The following TYR variants were observed in gnomAD, a reference collection of about 807,000 sequenced individuals.
TYR encodes the protein LB24-AB.
TYR carries 58 observed loss-of-function variants against 51.5 expected under a neutral mutation model. The ratio of observed to expected loss-of-function variants is 1.13; its 90% CI spans 0.91 to 1.40. TYR has a LOEUF of 1.40. Ranked by LOEUF, TYR falls within the 40% of genes most tolerant of loss-of-function variation. The pLI, the probability that TYR is intolerant of heterozygous loss-of-function variation, is 0.00. For synonymous variants in TYR, 263 were observed against 235.2 expected, an observed-to-expected ratio of 1.12 and a Z score of -1.08; for missense variants, 732 against 647.4, an observed-to-expected ratio of 1.13 and a Z score of -1.42.
intron 2 of TYR, among the ~76,000 whole-genome samples, chr11:89,198,771 T>TATATA (rs1565394780): frequency 2.4e-5 from 3 of 123,344 alleles, no homozygotes; most frequent in African/African-American, 4.5e-5. Flanking sequence ...ATATATATAT[T>TATATA]TTTATACTTT....
chr11:89,181,211 T>C (rs1256888848), intron 1 of TYR, among the ~76,000 whole-genome samples: 1 of 152,178 alleles, frequency 6.6e-6, no homozygotes, highest in African/African-American at 2.4e-5. Flanking sequence ...AGATGGGGTT[T>C]CACCCTGTTG....
At chr11:89,228,163 G>C (rs186362671) in intron 3 of TYR, among the ~76,000 whole-genome samples, 193 bp downstream of exon 3, 1 of 152,184 alleles carries the variant, frequency 6.6e-6, no homozygotes, top group Admixed American at 6.5e-5. Context: ...TGTTTATAAA[G>C]ATAAATTAAA....
chr11:89,236,285 A>G (rs1944112884), intron 3 of TYR, among the ~76,000 whole-genome samples: 4 of 151,908 alleles, frequency 2.6e-5, no homozygotes, highest in Non-Finnish European at 5.9e-5. Context: ...TTTTTTCTGT[A>G]GCCCACCTAT....
intron 3 of TYR, among the ~76,000 whole-genome samples, chr11:89,279,300 C>T (rs1944692950): frequency 6.6e-6 from 1 of 151,704 alleles, no homozygotes; most frequent in Non-Finnish European, 1.5e-5. Flanking sequence ...TTCTTTGTAG[C>T]AGCTGGCCAT....
At chr11:89,216,827 G>A (rs566505032) in intron 2 of TYR, among the ~76,000 whole-genome samples, 4 of 151,804 alleles carry the variant, frequency 2.6e-5, no homozygotes, top group Admixed American at 2.6e-4. Context: ...CACCCTAATC[G>A]AAAGGGTGAA....
At chr11:89,258,247 A>T (rs946545266) in intron 3 of TYR, among the ~76,000 whole-genome samples, 3 of 152,046 alleles carry the variant, frequency 2.0e-5, no homozygotes, top group Non-Finnish European at 2.9e-5. Flanking sequence ...AGGAATTATG[A>T]CACCTGATAC....
chr11:89,234,822 T>C (rs2155149), intron 3 of TYR, among the ~76,000 whole-genome samples: 73,074 of 151,638 alleles, frequency 0.48, 19,556 homozygotes, highest in African/African-American at 0.74. Flanking sequence ...CAGCATAACA[T>C]ATACAATAAT....
chr11:89,186,956 A>G (rs926367255), intron 1 of TYR, among the ~76,000 whole-genome samples: 1 of 152,172 alleles, frequency 6.6e-6, no homozygotes, highest in African/African-American at 2.4e-5. Context: ...AAGACATAAG[A>G]GAGGCCTCAG....
chr11:89,241,074 G>A lies in TYR; in HGVS notation c.1184+13104G>A, dbSNP rs553646056. Among the ~76,000 whole-genome samples the A allele has an allele frequency of 2.0e-5, 3 of 152,306 alleles. No individual in the cohort carries two copies. In the South Asian group the frequency reaches 6.2e-4, roughly 32 times the overall value. On this transcript the variant is annotated intron_variant, in intron 3 of 4. Coordinates refer to ENST00000263321, the MANE Select transcript of TYR (RefSeq NM_000372.5). ...CAGATTTGGGAAAAACTAAAGACAA[G>A]GGTATCTGGGTCATTAAATCAGCCT...
At chr11:89,208,523 A>G (rs1784691790) in intron 2 of TYR, among the ~76,000 whole-genome samples, 1 of 152,190 alleles carries the variant, frequency 6.6e-6, no homozygotes, top group Non-Finnish European at 1.5e-5. Context: ...CTTCCAATAT[A>G]TATTTTATTC....
chr11:89,231,324 A>ACAATTACCAT (rs1474486827), intron 3 of TYR, among the ~76,000 whole-genome samples: 23 of 145,872 alleles, frequency 1.6e-4, no homozygotes, highest in African/African-American at 3.5e-4. Flanking sequence ...ATGTATCGAA[A>ACAATTACCAT]GGGAAATATA....
chr11:89,265,344 A>G (rs113847388), intron 3 of TYR, among the ~76,000 whole-genome samples: 848 of 152,150 alleles, frequency 5.6e-3, no homozygotes, highest in Non-Finnish European at 9.9e-3. Flanking sequence ...GAGCTTGCTG[A>G]TAAGAGTTGT....
At chr11:89,283,527 A>C (rs953551576) in intron 3 of TYR, among the ~76,000 whole-genome samples, 1 of 151,772 alleles carries the variant, frequency 6.6e-6, no homozygotes, top group African/African-American at 2.4e-5. Context: ...CACAAAAACT[A>C]TCATATTGGA....
At chr11:89,282,834 T>A (rs999713907) in intron 3 of TYR, among the ~76,000 whole-genome samples, 7 of 151,794 alleles carry the variant, frequency 4.6e-5, no homozygotes, top group Non-Finnish European at 7.4e-5. Context: ...CAGCATATGT[T>A]ATGTCTCATC....
At chr11:89,216,958 T>A (rs78985627) in intron 2 of TYR, among the ~76,000 whole-genome samples, 3,832 of 152,260 alleles carry the variant, frequency 0.025, 172 homozygotes, top group African/African-American at 0.088. Flanking sequence ...CTCCAGCTAG[T>A]GGCCATGTGT....
chr11:89,284,144 T>C (rs770721048), intron 3 of TYR, among the ~76,000 whole-genome samples: 9 of 151,846 alleles, frequency 5.9e-5, no homozygotes, highest in Non-Finnish European at 1.2e-4. Context: ...TTTGTGTCAC[T>C]ATCTCCTGTT....
chr11:89,207,354 A>C (rs1326914264), intron 2 of TYR, among the ~76,000 whole-genome samples: 1 of 152,184 alleles, frequency 6.6e-6, no homozygotes, highest in Non-Finnish European at 1.5e-5. Context: ...TATGTACATA[A>C]CATTTGACAA....
chr11:89,245,920 CAAAA>C (rs58642362), intron 3 of TYR, among the ~76,000 whole-genome samples: 2 of 143,178 alleles, frequency 1.4e-5, no homozygotes, highest in African/African-American at 5.1e-5. Context: ...GACTCCATCT[CAAAA>C]AAAAAAAACA....
At chr11:89,222,727 A>G (rs1006075448) in intron 2 of TYR, among the ~76,000 whole-genome samples, 6 of 151,800 alleles carry the variant, frequency 4.0e-5, no homozygotes, top group African/African-American at 1.5e-4. Context: ...CAACAGAGTG[A>G]GACTCCATCT....
Sources: allele counts gnomAD v4.1 joint callset (sites outside exome capture counted in the v4.1 genomes callset), GRCh38; gene constraint gnomAD v4.1.1; transcripts MANE v1.5; gene names NCBI Gene and HGNC (gene_info 2026-07-23, HGNC 2026-07-21).